Variants in C1GALT1 observed in about 807,000 individuals in gnomAD.
The protein encoded by C1GALT1 is glycoprotein-N-acetylgalactosamine 3-beta-galactosyltransferase 1.
Under a neutral mutation model 31.0 loss-of-function variants are expected in C1GALT1, and 11 were observed. The ratio of observed to expected loss-of-function variants is 0.36; its 90% CI spans 0.22 to 0.59. The LOEUF (loss-of-function observed/expected upper bound fraction) is 0.59, where lower values mean the gene tolerates loss of function less well. C1GALT1 is among the 20% of genes least tolerant of loss of function. The pLI is 0.79. For missense variants in C1GALT1, 424 were observed against 425.2 expected, an observed-to-expected ratio of 1.00 and a Z score of 0.03; for synonymous variants, 175 against 143.6, an observed-to-expected ratio of 1.22 and a Z score of -1.56.
At chr7:7,175,009 C>T (rs1274080552) in intron 2 of C1GALT1, among the ~76,000 whole-genome samples, 1 of 152,062 alleles carries the variant, frequency 6.6e-6, no homozygotes, top group African/African-American at 2.4e-5. Context: ...ATGAGCCATA[C>T]TTTCTTGTTT....
At chr7:7,236,932 C>G (rs1783385602) in intron 2 of C1GALT1, among the ~76,000 whole-genome samples, 1 of 152,144 alleles carries the variant, frequency 6.6e-6, no homozygotes, top group African/African-American at 2.4e-5. Flanking sequence ...TAGGACTAAG[C>G]TTCTGTAACT....
chr7:7,187,159 G>A (rs888692109), intron 1 of C1GALT1, among the ~76,000 whole-genome samples: 6 of 152,158 alleles, frequency 3.9e-5, no homozygotes, highest in African/African-American at 1.4e-4. Flanking sequence ...TAAATGGTTT[G>A]AAAAGTAAGT....
At chr7:7,182,109 T>G (rs912845292), upstream of C1GALT1, among the ~76,000 whole-genome samples, 1 of 152,096 alleles carries the variant, frequency 6.6e-6, no homozygotes, top group African/African-American at 2.4e-5. Context: ...ATTACTTCCT[T>G]TTATTAAGCC....
chr7:7,183,154 G>T (rs1043971486), intron 1 of C1GALT1, among the ~76,000 whole-genome samples: 1 of 152,036 alleles, frequency 6.6e-6, no homozygotes, highest in East Asian at 1.9e-4. Flanking sequence ...TGGCGGCGCG[G>T]CGGGGCGCGC....
chr7:7,178,102 C>CTAA, upstream of C1GALT1: 1 of 210,684 alleles, frequency 4.7e-6, no homozygotes, highest in Non-Finnish European at 1.0e-5. Context: ...GGAAATGATC[C>CTAA]AGTTTGAAAA....
chr7:7,207,794 T>G (rs1376731414), intron 1 of C1GALT1, among the ~76,000 whole-genome samples: 2 of 151,882 alleles, frequency 1.3e-5, no homozygotes, highest in Non-Finnish European at 1.5e-5. Flanking sequence ...TTCTTTGTTT[T>G]TTTTTTTTAA....
chr7:7,207,541 C>T lies in C1GALT1; in HGVS notation c.-18+24721C>T, dbSNP rs1781804449. On this transcript the variant is annotated intron_variant, in intron 1 of 3. Transcript: ENST00000436587. ...TACATCATTTTCTTAACTTGGTCCA[C>T]ATTTTCCTTTAGTTCTTTGAGCATT... Among the ~76,000 whole-genome samples, 3 of 151,682 alleles carry T rather than the reference C, an allele frequency of 2.0e-5. No individual in the cohort carries two copies. The South Asian group carries it at 6.2e-4, about 32-fold the overall frequency.
chr7:7,230,534 T>C (rs1455413122), intron 1 of C1GALT1, among the ~76,000 whole-genome samples: 1 of 151,998 alleles, frequency 6.6e-6, no homozygotes, highest in African/African-American at 2.4e-5. Context: ...TTTAGTCTAT[T>C]TGCTTTTAAT....
intron 1 of C1GALT1, among the ~76,000 whole-genome samples, chr7:7,214,803 A>G (rs1211694261): frequency 6.6e-6 from 1 of 152,226 alleles, no homozygotes; most frequent in East Asian, 1.9e-4. Flanking sequence ...AACAAAGATG[A>G]TAATAGCCAC....
At chr7:7,173,745 T>C (rs2128227586) in intron 2 of C1GALT1, among the ~76,000 whole-genome samples, 1 of 152,028 alleles carries the variant, frequency 6.6e-6, no homozygotes, top group East Asian at 1.9e-4. Context: ...CTATAAAAAA[T>C]ACAAAAAATT....
chr7:7,183,471 C>T (rs979998916), intron 1 of C1GALT1: 4 of 428,202 alleles, frequency 9.3e-6, no homozygotes, highest in East Asian at 1.6e-4. Flanking sequence ...TTGGGGCATT[C>T]GGGGCATGGA....
At chr7:7,201,572 C>G (rs1251308404) in intron 1 of C1GALT1, among the ~76,000 whole-genome samples, 3 of 152,160 alleles carry the variant, frequency 2.0e-5, no homozygotes, top group Non-Finnish European at 4.4e-5. Context: ...TTACTGCTGC[C>G]TTTTGATCAT....
intron 2 of C1GALT1, among the ~76,000 whole-genome samples, chr7:7,174,760 ATTTTTC>A (rs1270275420): frequency 6.6e-6 from 1 of 151,128 alleles, no homozygotes; most frequent in East Asian, 1.9e-4. Flanking sequence ...TTTTATTTTT[ATTTTTC>A]AGCTTCAGAA....
chr7:7,157,871 T>C (rs1471585137), intron 2 of C1GALT1, among the ~76,000 whole-genome samples: 1 of 152,176 alleles, frequency 6.6e-6, no homozygotes, highest in Non-Finnish European at 1.5e-5. Flanking sequence ...TCAGACTTTA[T>C]TTGAGAACTG....
Position 7,247,286 on chromosome 7 carries a change from T to C in C1GALT1, c.*3559T>C, listed in dbSNP as rs1783886037. On this transcript the variant is annotated 3_prime_UTR_variant, in exon 4 of 4. Coordinates refer to ENST00000436587, the MANE Select transcript of C1GALT1 (RefSeq NM_020156.5). ...ATCTTTTAGATTAAGATCTTTGTTA[T>C]TTGGTAAATGATTTCAGTATGGTTT... The C allele has an allele frequency of 1.3e-5, 2 of 152,120 alleles. No homozygotes were observed. The highest frequency in any genetic ancestry group is 2.9e-5 in the Non-Finnish European group (2 of 67,970). The allele number at this position is 152,120 out of a possible 1,614,324, so 9.4% of individuals were successfully genotyped here.
chr7:7,182,207 T>C (rs142925107), upstream of C1GALT1, among the ~76,000 whole-genome samples: 206 of 152,290 alleles, frequency 1.4e-3, no homozygotes, highest in African/African-American at 4.2e-3. Context: ...ACAAGAGTCC[T>C]GCAGGGTTAG....
At chr7:7,201,707 AGCT>A (rs1160461406) in intron 1 of C1GALT1, among the ~76,000 whole-genome samples, 1 of 152,210 alleles carries the variant, frequency 6.6e-6, no homozygotes, top group African/African-American at 2.4e-5. Context: ...ATTTCCAGGC[AGCT>A]GCTGAGCAGT....
intron 1 of C1GALT1, among the ~76,000 whole-genome samples, chr7:7,192,051 T>C (rs1017167291): frequency 6.6e-6 from 1 of 152,132 alleles, no homozygotes; most frequent in African/African-American, 2.4e-5. Flanking sequence ...CCAAATATAA[T>C]GTCATGAAGC....
rs193002269 is a variant in C1GALT1, at chr7:7,216,326, C to T, written c.-17-17977C>T. On this transcript the variant is annotated intron_variant, in intron 1 of 3. Coordinates refer to ENST00000436587, the MANE Select transcript of C1GALT1 (RefSeq NM_020156.5). ...CCTTCCCAGTTTCTGGATTCCGGCA[C>T]CTTCTTAAATGTGCTCCCCCATGGT... Among the ~76,000 whole-genome samples, 11 of 152,310 alleles carry T rather than the reference C, an allele frequency of 7.2e-5. No individual in the cohort carries two copies. The East Asian group carries it at 1.7e-3, about 24-fold the overall frequency.
Sources: gnomAD v4.1 joint callset for allele counts (sites outside exome capture counted in the v4.1 genomes callset) on GRCh38, gnomAD v4.1.1 for gene constraint, MANE v1.5 for transcripts, NCBI Gene and HGNC (gene_info 2026-07-23, HGNC 2026-07-21) for gene names.